Variants in GABPB1 observed in about 807,000 individuals in gnomAD.
The protein encoded by GABPB1 is GA-binding protein subunit beta-1.
In GABPB1, 15 loss-of-function variants were observed where a neutral mutation model predicts 45.9. That is an observed-to-expected ratio of 0.33 (90% CI 0.22 to 0.50). GABPB1 has a LOEUF of 0.50. Ranked by LOEUF, GABPB1 falls within the 20% of genes least tolerant of loss-of-function variation. The pLI is 0.98. For synonymous variants in GABPB1, 143 were observed against 154.4 expected (o/e 0.93, Z 0.55); for missense variants, 252 against 457.5 (o/e 0.55, Z 4.10).
chr15:50,292,110 G>A (rs555953383), intron 6 of GABPB1, among the ~76,000 whole-genome samples: 39 of 151,406 alleles, frequency 2.6e-4, no homozygotes, highest in Non-Finnish European at 5.0e-4. Context: ...CAAGGCGGGC[G>A]GGTCAGGAGA....
chr15:50,337,130 A>ATATAT lies in GABPB1; in HGVS notation c.-1+17854_-1+17855insATATA, dbSNP rs1285570529. Among the ~76,000 whole-genome samples, 13 of 3,864 alleles carry ATATAT rather than the reference A, an allele frequency of 3.4e-3. 1 individual carries two copies. The highest frequency in any genetic ancestry group is 4.9e-3 in the Non-Finnish European group (12 of 2,428). 2.5% of individuals were successfully genotyped at this position (3,864 alleles called of 152,430 possible). On this transcript the variant is annotated intron_variant, in intron 1 of 8. Coordinates refer to ENST00000380877, the MANE Select transcript of GABPB1 (RefSeq NM_016654.5). ...ATATATATATATATATATATATATA[A>ATATAT]TATGAAGAGGTCAGAGCCCATCCAA...
intron 1 of GABPB1, among the ~76,000 whole-genome samples, chr15:50,322,097 C>A (rs1396539835): frequency 6.6e-6 from 1 of 152,084 alleles, no homozygotes; most frequent in African/African-American, 2.4e-5. Context: ...ACTCTTGGAC[C>A]TGCCCAGTTA....
At chr15:50,322,260 C>T (rs1483833230) in intron 1 of GABPB1, among the ~76,000 whole-genome samples, 3 of 152,030 alleles carry the variant, frequency 2.0e-5, no homozygotes, top group African/African-American at 4.8e-5. Context: ...TATTCTAAAA[C>T]TGAGGTGTCC....
intron 6 of GABPB1, among the ~76,000 whole-genome samples, chr15:50,300,451 T>G (rs1162864089): frequency 7.7e-6 from 1 of 130,178 alleles, no homozygotes; most frequent in African/African-American, 2.7e-5. Context: ...TTTTTTTTTT[T>G]TTTTTTTTTG....
chr15:50,280,656 G>A (rs2045943865), intron 8 of GABPB1, among the ~76,000 whole-genome samples: 1 of 152,046 alleles, frequency 6.6e-6, no homozygotes, highest in Non-Finnish European at 1.5e-5. Flanking sequence ...TGAGGCAGGA[G>A]GATCACTTGA....
intron 1 of GABPB1, among the ~76,000 whole-genome samples, chr15:50,337,061 ATGTATATGTG>A (rs1378165515): frequency 2.6e-4 from 16 of 60,828 alleles, no homozygotes; most frequent in South Asian, 1.0e-3. Context: ...AAAAAATTAC[ATGTATATGTG>A]TGTGTATATA....
intron 6 of GABPB1, among the ~76,000 whole-genome samples, chr15:50,298,287 C>T (rs940272302): frequency 3.9e-5 from 6 of 152,026 alleles, no homozygotes; most frequent in African/African-American, 1.2e-4. Flanking sequence ...GATTTTGCCA[C>T]GTTGTCCAGG....
chr15:50,336,781 T>C (rs1357713000), intron 1 of GABPB1, among the ~76,000 whole-genome samples: 3 of 150,878 alleles, frequency 2.0e-5, no homozygotes, highest in Non-Finnish European at 4.4e-5. Context: ...TATTTTATGG[T>C]TTACTACCAT....
At chr15:50,293,430 T>A (rs1189074882) in intron 6 of GABPB1, among the ~76,000 whole-genome samples, 1 of 152,200 alleles carries the variant, frequency 6.6e-6, no homozygotes, top group Non-Finnish European at 1.5e-5. Flanking sequence ...TGTTTTGAGC[T>A]CTCTTGTAAT....
intron 1 of GABPB1, among the ~76,000 whole-genome samples, chr15:50,346,774 A>T (rs905141221): frequency 6.8e-6 from 1 of 146,962 alleles, no homozygotes; most frequent in Admixed American, 7.0e-5. Context: ...GAAAGAGCTA[A>T]CAAGCTGTCT....
At chr15:50,335,125 C>T (rs1479968356) in intron 1 of GABPB1, among the ~76,000 whole-genome samples, 2 of 152,178 alleles carry the variant, frequency 1.3e-5, no homozygotes, top group African/African-American at 4.8e-5. Flanking sequence ...GGTTCCCTTT[C>T]CCACCTATGC....
At chr15:50,282,565 A>AAAAAAAAAAAAAAAAAG (rs1567472459) in intron 8 of GABPB1, among the ~76,000 whole-genome samples, 13 of 150,714 alleles carry the variant, frequency 8.6e-5, no homozygotes, top group Non-Finnish European at 3.0e-5. Context: ...AAAAAGAAAA[A>AAAAAAAAAAAAAAAAAG]AAAAAAAAAA....
In GABPB1 at chr15:50,292,142, G is replaced by A. The variant is rs12591865; in HGVS notation, c.698-2474C>T. Among the ~76,000 whole-genome samples, 29 of 150,074 alleles carry A rather than the reference G, an allele frequency of 1.9e-4. No homozygotes were observed. The East Asian group carries it at 4.4e-3, about 23-fold the overall frequency. On this transcript the variant is annotated intron_variant, in intron 6 of 8. Transcript: ENST00000380877. ...GAGATCGAGACCACATTGAAACCCC[G>A]TCTCTACTGAAAATACAAAAAATTA...
chr15:50,302,705 A>G (rs1229852799), intron 4 of GABPB1, among the ~76,000 whole-genome samples: 5 of 151,774 alleles, frequency 3.3e-5, no homozygotes, highest in Admixed American at 2.6e-4. Flanking sequence ...AAAAAACAGA[A>G]AGTAATCACC....
chr15:50,309,975 A>G (rs1196549232), intron 1 of GABPB1, among the ~76,000 whole-genome samples, 177 bp from the exon 2 acceptor site: 1 of 152,254 alleles, frequency 6.6e-6, no homozygotes, highest in Non-Finnish European at 1.5e-5. Flanking sequence ...GGATTTTAGA[A>G]TCCATTTTCC....
chr15:50,339,059 T>G (rs1016606394), intron 1 of GABPB1, among the ~76,000 whole-genome samples: 1 of 151,808 alleles, frequency 6.6e-6, no homozygotes, highest in Admixed American at 6.6e-5. Context: ...TCCCAGCACT[T>G]TGGGAGGCCA....
intron 6 of GABPB1, among the ~76,000 whole-genome samples, 159 bp from the exon 7 acceptor site, chr15:50,289,827 T>C (rs2046291551): frequency 6.6e-6 from 1 of 151,776 alleles, no homozygotes; most frequent in African/African-American, 2.4e-5. Flanking sequence ...GGCTGGAGGG[T>C]AGTGGCACAA....
chr15:50,295,343 A>C (rs2046475247), intron 6 of GABPB1, among the ~76,000 whole-genome samples: 1 of 152,192 alleles, frequency 6.6e-6, no homozygotes, highest in Non-Finnish European at 1.5e-5. Flanking sequence ...GTTTAGATGC[A>C]CTGGCCTCTG....
At chr15:50,290,930 A>G (rs2046323359) in intron 6 of GABPB1, among the ~76,000 whole-genome samples, 1 of 152,176 alleles carries the variant, frequency 6.6e-6, no homozygotes, top group South Asian at 2.1e-4. Context: ...GCAATCCTAC[A>G]CCCAACTACT....
Sources: allele counts gnomAD v4.1 joint callset (sites outside exome capture counted in the v4.1 genomes callset), GRCh38; gene constraint gnomAD v4.1.1; transcripts MANE v1.5; gene names NCBI Gene and HGNC (gene_info 2026-07-23, HGNC 2026-07-21).